Variants in NLK observed in about 807,000 individuals in gnomAD.
NLK encodes the protein nemo like kinase.
A neutral mutation model predicts 59.0 loss-of-function variants in NLK; 11 were observed. The observed-to-expected ratio is 0.19, with a 90% CI of 0.12 to 0.31. The LOEUF is 0.31. Among genes scored for constraint, NLK ranks in the 10% least tolerant of loss-of-function variants. The pLI is 1.00. For synonymous variants in NLK, 235 were observed against 235.9 expected (o/e 1.00, Z 0.03); for missense variants, 410 against 661.1 (o/e 0.62, Z 4.16).
At chr17:28,115,574 G>C (rs1383862954) in intron 1 of NLK, among the ~76,000 whole-genome samples, 1 of 152,102 alleles carries the variant, frequency 6.6e-6, no homozygotes, top group African/African-American at 2.4e-5. Flanking sequence ...ACCTAGTAGA[G>C]CAATTTTTCA....
At chr17:28,071,717 A>G (rs557231674) in intron 1 of NLK, among the ~76,000 whole-genome samples, 3 of 152,306 alleles carry the variant, frequency 2.0e-5, no homozygotes, top group East Asian at 3.9e-4. Context: ...CCTCTCAGCA[A>G]TCCTGCTGTA....
intron 3 of NLK, among the ~76,000 whole-genome samples, chr17:28,154,918 G>A (rs1907637747): frequency 1.3e-5 from 2 of 152,128 alleles, no homozygotes; most frequent in Non-Finnish European, 2.9e-5. Context: ...TGTAAGCCTA[G>A]TTACTCAGGA....
At chr17:28,189,947 TTACATCAGCA>T (rs1909250647) in intron 8 of NLK, among the ~76,000 whole-genome samples, 1 of 152,208 alleles carries the variant, frequency 6.6e-6, no homozygotes, top group African/African-American at 2.4e-5. Context: ...ACATGCCTTT[TTACATCAGCA>T]TAGCAAAAAT....
chr17:28,097,715 A>C (rs1233874095), intron 1 of NLK, among the ~76,000 whole-genome samples: 1 of 152,140 alleles, frequency 6.6e-6, no homozygotes, highest in Non-Finnish European at 1.5e-5. Flanking sequence ...ATATGATTAT[A>C]ATGACAGATA....
At chr17:28,058,074 G>T (rs538264801) in intron 1 of NLK, among the ~76,000 whole-genome samples, 11 of 152,308 alleles carry the variant, frequency 7.2e-5, no homozygotes, top group African/African-American at 2.4e-4. Context: ...GGGTGGTTCT[G>T]TTGAGTCAAC....
intron 1 of NLK, among the ~76,000 whole-genome samples, chr17:28,055,343 G>A (rs753995204): frequency 5.9e-5 from 9 of 151,718 alleles, no homozygotes; most frequent in Admixed American, 2.0e-4. Flanking sequence ...TGCCCACCTC[G>A]GGCTCCCGAA....
At chr17:28,102,888 A>G (rs1403626214) in intron 1 of NLK, among the ~76,000 whole-genome samples, 1 of 152,132 alleles carries the variant, frequency 6.6e-6, no homozygotes, top group African/African-American at 2.4e-5. Flanking sequence ...CTCTTTATAT[A>G]TGTAGTACCT....
In NLK at chr17:28,161,195, A is replaced by T; in HGVS notation, c.680A>T (p.His227Leu). The stretch of plus-strand genomic sequence containing the variant: ...ACAGAATTGATGCAGAGTGACCTAC[A>T]TAAAATTATCGTCTCTCCTCAACCA... ...VVTELMQSDL[H>L]KIIVSPQPLS... The change falls in exon 4 of 11, where the codon CAT (histidine) becomes CTT (leucine). Residue 227 changes from histidine to leucine, a missense_variant. His to Leu is a moderately conservative substitution (Grantham distance 99, BLOSUM62 -3). This residue lies in a region of NLK where 73 missense variants were observed against 197.2 expected (regional missense o/e 0.37). Coordinates refer to ENST00000407008, the MANE Select transcript of NLK (RefSeq NM_016231.5). 1 of 1,611,394 alleles carries T rather than the reference A, an allele frequency of 6.2e-7. No homozygotes were observed. The highest frequency in any genetic ancestry group is 8.5e-7 in the Non-Finnish European group (1 of 1,177,554).
At chr17:28,145,836 A>C (rs567328070) in intron 3 of NLK, among the ~76,000 whole-genome samples, 11 of 151,866 alleles carry the variant, frequency 7.2e-5, no homozygotes, top group Non-Finnish European at 1.6e-4. Context: ...CTCCTGAGTA[A>C]CTGGGATTAC....
chr17:28,057,839 ATTATTTCCC>A (rs1567701156), intron 1 of NLK, among the ~76,000 whole-genome samples: 1 of 152,210 alleles, frequency 6.6e-6, no homozygotes, highest in Non-Finnish European at 1.5e-5. Context: ...AAGGGTAATG[ATTATTTCCC>A]CTATATATAG....
At chr17:28,124,798 C>T (rs1906224425) in intron 2 of NLK, among the ~76,000 whole-genome samples, 1 of 151,998 alleles carries the variant, frequency 6.6e-6, no homozygotes, top group African/African-American at 2.4e-5. Context: ...GCTTGTAATC[C>T]CAGCACTTTG....
chr17:28,118,611 G>T (rs1478382012), intron 1 of NLK, among the ~76,000 whole-genome samples: 1 of 152,078 alleles, frequency 6.6e-6, no homozygotes, highest in Admixed American at 6.6e-5. Context: ...CAGATTTGTG[G>T]CAGTGTTCCG....
At chr17:28,172,306 C>A (rs761855575) in intron 6 of NLK, among the ~76,000 whole-genome samples, 26 of 150,950 alleles carry the variant, frequency 1.7e-4, no homozygotes, top group Non-Finnish European at 3.0e-4. Context: ...ATTTTAAATT[C>A]CTTTACATGA....
chr17:28,096,746 A>T (rs563449668), intron 1 of NLK, among the ~76,000 whole-genome samples: 1 of 152,302 alleles, frequency 6.6e-6, no homozygotes, highest in Non-Finnish European at 1.5e-5. Flanking sequence ...CAACATCTTA[A>T]TTTTCTTCAA....
At chr17:28,131,999 C>T (rs1906538654) in intron 2 of NLK, among the ~76,000 whole-genome samples, 1 of 152,142 alleles carries the variant, frequency 6.6e-6, no homozygotes, top group East Asian at 1.9e-4. Context: ...TAGAATCTGC[C>T]TCAGTGTCTT....
intron 3 of NLK, among the ~76,000 whole-genome samples, chr17:28,152,541 A>G (rs1276377612): frequency 6.6e-6 from 1 of 152,220 alleles, no homozygotes; most frequent in Non-Finnish European, 1.5e-5. Flanking sequence ...CATCCATGCA[A>G]GAACTCTTCA....
At chr17:28,150,203 A>G (rs549879594) in intron 3 of NLK, among the ~76,000 whole-genome samples, 1 of 152,350 alleles carries the variant, frequency 6.6e-6, no homozygotes, top group Admixed American at 6.5e-5. Flanking sequence ...GAGATCATAT[A>G]TGAAGTGGCA....
intron 1 of NLK, among the ~76,000 whole-genome samples, chr17:28,119,294 ATTAGAG>A (rs1228309220): frequency 6.6e-6 from 1 of 152,220 alleles, no homozygotes; most frequent in East Asian, 1.9e-4. Flanking sequence ...ATTCACATTC[ATTAGAG>A]TTATATTGTT....
chr17:28,093,807 C>T (rs1451133167), intron 1 of NLK, among the ~76,000 whole-genome samples: 1 of 152,182 alleles, frequency 6.6e-6, no homozygotes, highest in Non-Finnish European at 1.5e-5. Flanking sequence ...CAAAGACTCA[C>T]CATATATTTC....
Sources: allele counts gnomAD v4.1 joint callset (sites outside exome capture counted in the v4.1 genomes callset), GRCh38; gene constraint gnomAD v4.1.1; regional missense constraint gnomAD v4.1.1; transcripts MANE v1.5; gene names NCBI Gene and HGNC (gene_info 2026-07-23, HGNC 2026-07-21).